The following TAS2R1 variants were observed in gnomAD, a reference collection of about 807,000 sequenced individuals.
TAS2R1 encodes the protein taste receptor type 2 member 1.
For missense variants in TAS2R1, 370 were observed against 353.4 expected (o/e 1.05, Z -0.38); for synonymous variants, 141 against 134.2 (o/e 1.05, Z -0.35).
upstream of TAS2R1, chr5:9,712,995 C>A (rs1734721826): frequency 6.6e-6 from 1 of 152,300 alleles, no homozygotes; most frequent in Admixed American, 6.5e-5. Context: ...ATGCCACCCC[C>A]TTCCACCAGG....
chr5:9,676,148 C>T (rs968765386), intron 1 of TAS2R1, among the ~76,000 whole-genome samples: 13 of 152,216 alleles, frequency 8.5e-5, no homozygotes, highest in Non-Finnish European at 1.6e-4. Flanking sequence ...TGCCATATCA[C>T]ATTAATTGAT....
At chr5:9,790,284 T>G in the TAS2R1 span, among the ~76,000 whole-genome samples, 5 of 152,224 alleles carry the variant, frequency 3.3e-5, no homozygotes, top group African/African-American at 4.8e-5. Context: ...TGCCACTCTG[T>G]TTTCATGCCT....
At chr5:9,885,986 G>T in the TAS2R1 span, among the ~76,000 whole-genome samples, 31 of 151,726 alleles carry the variant, frequency 2.0e-4, 1 homozygote, top group Admixed American at 2.0e-3. Context: ...AACTGAGGGT[G>T]GTGCATATAC....
the TAS2R1 span, among the ~76,000 whole-genome samples, chr5:9,896,583 T>C: frequency 2.6e-5 from 4 of 152,164 alleles, no homozygotes; most frequent in African/African-American, 7.2e-5. Flanking sequence ...TTGAAGATCA[T>C]TTCCACTTGA....
chr5:9,822,933 T>C, the TAS2R1 span, among the ~76,000 whole-genome samples: 1 of 150,954 alleles, frequency 6.6e-6, no homozygotes. Context: ...GGGTAGACAC[T>C]GTTGCTGCTG....
At chr5:9,841,640 C>G in the TAS2R1 span, among the ~76,000 whole-genome samples, 1 of 152,202 alleles carries the variant, frequency 6.6e-6, no homozygotes, top group African/African-American at 2.4e-5. Flanking sequence ...GAAATGCAAT[C>G]TCTCTGGGAT....
chr5:9,773,595 C>T, the TAS2R1 span, among the ~76,000 whole-genome samples: 3 of 152,170 alleles, frequency 2.0e-5, no homozygotes, highest in African/African-American at 7.2e-5. Context: ...GCATTTCTCA[C>T]AGGACAGGTC....
chr5:9,762,825 T>G, the TAS2R1 span, among the ~76,000 whole-genome samples: 1 of 152,210 alleles, frequency 6.6e-6, no homozygotes, highest in East Asian at 1.9e-4. Flanking sequence ...GCCTCTAAAC[T>G]TACTTAGGAA....
the TAS2R1 span, among the ~76,000 whole-genome samples, chr5:9,742,505 T>C: frequency 6.6e-6 from 1 of 152,196 alleles, no homozygotes; most frequent in Non-Finnish European, 1.5e-5. Flanking sequence ...ACCAAGTTTT[T>C]GTGGGGAAAA....
chr5:9,897,158 C>T, the TAS2R1 span, among the ~76,000 whole-genome samples: 1 of 152,138 alleles, frequency 6.6e-6, no homozygotes, highest in Non-Finnish European at 1.5e-5. Flanking sequence ...AACAAAATAA[C>T]AGCTAGATAT....
At chr5:9,643,935 C>CT (rs1310602212) in intron 2 of TAS2R1, among the ~76,000 whole-genome samples, 11 of 152,264 alleles carry the variant, frequency 7.2e-5, no homozygotes, top group Middle Eastern at 3.4e-3. Flanking sequence ...GGAATGAACA[C>CT]TTCAGGCAGA....
At chr5:9,640,453 G>A (rs887856059) in intron 2 of TAS2R1, among the ~76,000 whole-genome samples, 5 of 117,070 alleles carry the variant, frequency 4.3e-5, no homozygotes, top group South Asian at 2.9e-4. Context: ...AAATGACCCC[G>A]ATAAACTTGC....
chr5:9,871,299 TTGAC>T, the TAS2R1 span, among the ~76,000 whole-genome samples: 3 of 152,258 alleles, frequency 2.0e-5, no homozygotes, highest in African/African-American at 4.8e-5. Flanking sequence ...GACTACCAGT[TTGAC>T]TATGTCCTTT....
In TAS2R1 at chr5:9,628,905, CA is replaced by C. The variant is rs1437353905; in HGVS notation, c.*227del. ...CACGATGATAGTACAATATCACTAC[CA>C]GGATATTGAAATTGATGTAATCCAT... On this transcript the variant is annotated 3_prime_UTR_variant, in exon 1 of 1. Transcript: ENST00000382492. 4.9e-6 allele frequency: 2 copies of C among 408,340 alleles called. No homozygotes were observed. The highest frequency in any genetic ancestry group is 4.0e-5 in the African/African-American group (2 of 49,742). 25.3% of individuals were successfully genotyped at this position (408,340 alleles called of 1,614,324 possible).
the TAS2R1 span, among the ~76,000 whole-genome samples, chr5:9,819,357 T>C: frequency 6.6e-6 from 1 of 152,200 alleles, no homozygotes; most frequent in Non-Finnish European, 1.5e-5. Context: ...TCAGATCCAT[T>C]ACATGCGAGC....
chr5:9,716,849 G>C (rs1734823006), upstream of TAS2R1, among the ~76,000 whole-genome samples: 1 of 152,142 alleles, frequency 6.6e-6, no homozygotes, highest in African/African-American at 2.4e-5. Flanking sequence ...TAGAAGACGA[G>C]GGTGAGCTAA....
the TAS2R1 span, among the ~76,000 whole-genome samples, chr5:9,730,253 T>C: frequency 1.3e-5 from 2 of 152,192 alleles, no homozygotes; most frequent in African/African-American, 4.8e-5. Context: ...CCTTAGGCTC[T>C]TTCTTGAAAG....
intron 1 of TAS2R1, among the ~76,000 whole-genome samples, chr5:9,691,206 GATAGA>G (rs2126517885): frequency 6.6e-6 from 1 of 152,268 alleles, no homozygotes; most frequent in Admixed American, 6.5e-5. Flanking sequence ...GAGGGAGACA[GATAGA>G]CAGGGAGCAG....
At chr5:9,807,040 A>G in the TAS2R1 span, among the ~76,000 whole-genome samples, 2 of 152,196 alleles carry the variant, frequency 1.3e-5, no homozygotes, top group Non-Finnish European at 2.9e-5. Flanking sequence ...AGAGAACTCA[A>G]AAAATATCAG....
Sources: gnomAD v4.1 joint callset for allele counts (sites outside exome capture counted in the v4.1 genomes callset) on GRCh38, gnomAD v4.1.1 for gene constraint, MANE v1.5 for transcripts, NCBI Gene and HGNC (gene_info 2026-07-23, HGNC 2026-07-21) for gene names.